The following CDYL2 variants were observed in gnomAD, a reference collection of about 807,000 sequenced individuals.
CDYL2 encodes the protein chromodomain Y like 2.
In CDYL2, 23 loss-of-function variants were observed where a neutral mutation model predicts 49.4. The observed-to-expected ratio is 0.47, with a 90% confidence interval of 0.34 to 0.66. CDYL2 has a LOEUF of 0.66. Ranked by LOEUF, CDYL2 falls within the 30% of genes least tolerant of loss-of-function variation. The pLI is 0.01. For synonymous variants in CDYL2, 360 were observed against 268.8 expected, an observed-to-expected ratio of 1.34 and a Z score of -3.32; for missense variants, 678 against 656.4, an observed-to-expected ratio of 1.03 and a Z score of -0.36.
At chr16:80,764,382 C>T (rs775022415) in intron 1 of CDYL2, among the ~76,000 whole-genome samples, 4 of 152,060 alleles carry the variant, frequency 2.6e-5, no homozygotes, top group Admixed American at 6.6e-5. Flanking sequence ...TCTTATTCTA[C>T]GGAGGAAGAC....
chr16:80,800,156 T>C (rs951796640), intron 1 of CDYL2, among the ~76,000 whole-genome samples: 1 of 152,220 alleles, frequency 6.6e-6, no homozygotes, highest in Non-Finnish European at 1.5e-5. Flanking sequence ...TTCTTTAACA[T>C]GAATAGTGGC....
At chr16:80,678,319 C>T (rs1413887102) in intron 2 of CDYL2, among the ~76,000 whole-genome samples, 20 of 152,202 alleles carry the variant, frequency 1.3e-4, no homozygotes, top group African/African-American at 4.3e-4. Context: ...TCAGAGTGAA[C>T]AGGCAACCCA....
chr16:80,708,984 G>A (rs1296203929), intron 1 of CDYL2, among the ~76,000 whole-genome samples: 1 of 152,180 alleles, frequency 6.6e-6, no homozygotes, highest in East Asian at 1.9e-4. Context: ...TGTTCTTCTG[G>A]CAGCAGAGCT....
intron 1 of CDYL2, among the ~76,000 whole-genome samples, chr16:80,789,819 C>A (rs986692626): frequency 6.6e-6 from 1 of 152,002 alleles, no homozygotes; most frequent in African/African-American, 2.4e-5. Flanking sequence ...AGCAGAAAAT[C>A]AAATACTGTA....
Position 80,603,394 on chromosome 16 carries a change from G to A in CDYL2, c.*994C>T, listed in dbSNP as rs947878375. The stretch of plus-strand genomic sequence containing the variant: ...CTTTAACTCCTTAAAGACAGCAGAG[G>A]GAAGAAAAAACTCTCCCAAGATGTC... On this transcript the variant is annotated 3_prime_UTR_variant, in exon 7 of 7. Transcript: ENST00000570137. 2 of 152,080 alleles carry A rather than the reference G, an allele frequency of 1.3e-5. No homozygotes were observed. Among genetic ancestry groups the A allele is most frequent in the African/African-American group, 4.8e-5 (2 of 41,400 alleles). The allele number at this position is 152,080 out of a possible 1,614,324, so 9.4% of individuals were successfully genotyped here. A position where few individuals can be genotyped will look rare whatever the true frequency, so the allele number is the denominator to read the frequency against.
At position 80,628,607 on chromosome 16, in the gene CDYL2, C is replaced by A. The variant is rs1907408848; in HGVS notation, c.834+4412G>T. Among the ~76,000 whole-genome samples, 3 of 152,198 alleles carry A rather than the reference C, an allele frequency of 2.0e-5. No homozygotes were observed. The South Asian group carries it at 6.2e-4, about 31-fold the overall frequency. ...CTGAGCCATGCCCAGATTCCTGACCCACAGCAATTATGAGACAATAAACGT... is the reference window on the plus strand; with the variant it reads ...CTGAGCCATGCCCAGATTCCTGACCAACAGCAATTATGAGACAATAAACGT... On this transcript the variant is annotated intron_variant, in intron 3 of 6. Coordinates refer to ENST00000570137, the MANE Select transcript of CDYL2 (RefSeq NM_152342.4).
chr16:80,630,432 T>G (rs1169091609), intron 3 of CDYL2, among the ~76,000 whole-genome samples: 1 of 152,206 alleles, frequency 6.6e-6, no homozygotes, highest in African/African-American at 2.4e-5. Flanking sequence ...ATGCTGTGCC[T>G]TTTTAGAGCA....
At chr16:80,703,931 G>T (rs1368520956) in intron 1 of CDYL2, among the ~76,000 whole-genome samples, 4 of 152,106 alleles carry the variant, frequency 2.6e-5, no homozygotes, top group Non-Finnish European at 5.9e-5. Flanking sequence ...GCGCAGGGTG[G>T]GTGCGCCCAT....
chr16:80,715,124 C>T (rs181698723), intron 1 of CDYL2, among the ~76,000 whole-genome samples: 16 of 152,178 alleles, frequency 1.1e-4, no homozygotes, highest in East Asian at 1.9e-4. Context: ...AACTGCAGTA[C>T]GGTACACAAG....
chr16:80,612,516 T>C lies in CDYL2; in HGVS notation c.1218+110A>G. The C allele has an allele frequency of 8.9e-7, 1 of 1,117,976 alleles. No individual in the cohort carries two copies. Among genetic ancestry groups the C allele is most frequent in the South Asian group, 1.5e-5 (1 of 64,608 alleles). 69.3% of individuals were successfully genotyped at this position (1,117,976 alleles called of 1,614,324 possible). A position where few individuals can be genotyped will look rare whatever the true frequency, so the allele number is the denominator to read the frequency against. ...GAAGGACATGAGGCAGCCAAGCCAA[T>C]CTGCAGGCTGACAACACCCTCAGGT... On this transcript the variant is annotated intron_variant, in intron 5 of 6. Coordinates refer to ENST00000570137, the MANE Select transcript of CDYL2 (RefSeq NM_152342.4). The surrounding 1 kb of genome is among the most constrained non-coding windows in gnomAD (Gnocchi z 5.0).
intron 1 of CDYL2, among the ~76,000 whole-genome samples, chr16:80,685,750 T>C (rs2142477853): frequency 6.6e-6 from 1 of 152,310 alleles, no homozygotes; most frequent in East Asian, 1.9e-4. Context: ...GAACGAGGGC[T>C]CAGAGAGACC....
At chr16:80,643,624 C>T (rs1337851771) in intron 2 of CDYL2, among the ~76,000 whole-genome samples, 1 of 152,238 alleles carries the variant, frequency 6.6e-6, no homozygotes, top group Middle Eastern at 3.2e-3. Context: ...GTTCTAAACT[C>T]CAGTTCTTGA....
chr16:80,729,245 G>C (rs560563720), intron 1 of CDYL2, among the ~76,000 whole-genome samples: 7 of 152,074 alleles, frequency 4.6e-5, no homozygotes, highest in Non-Finnish European at 1.0e-4. Context: ...AAAATAAAAG[G>C]ATGGAGGAAG....
chr16:80,804,214 T>C lies in CDYL2; in HGVS notation c.-41A>G. The C allele has an allele frequency of 7.5e-7, 1 of 1,337,646 alleles. No homozygotes were observed. Among genetic ancestry groups the C allele is most frequent in the South Asian group, 1.4e-5 (1 of 71,622 alleles). The allele number at this position is 1,337,646 out of a possible 1,614,324, so 82.9% of individuals were successfully genotyped here. A position where few individuals can be genotyped will look rare whatever the true frequency, so the allele number is the denominator to read the frequency against. The stretch of plus-strand genomic sequence containing the variant: ...TTGGCTCGCCGGTGTGCGCGTCTGC[T>C]CGCTCGCGCCCTCCGTGCGTGTGCG... On this transcript the variant is annotated 5_prime_UTR_variant, in exon 1 of 7. Coordinates refer to ENST00000570137, the MANE Select transcript of CDYL2 (RefSeq NM_152342.4).
At chr16:80,788,595 C>T (rs145489826) in intron 1 of CDYL2, among the ~76,000 whole-genome samples, 1 of 152,154 alleles carries the variant, frequency 6.6e-6, no homozygotes, top group Non-Finnish European at 1.5e-5. Context: ...CATCTACCAA[C>T]AAAAGGACAG....
In CDYL2 at chr16:80,672,614, A is replaced by AGAAAG. The variant is rs1909575645; in HGVS notation, c.616+11919_616+11923dup. On this transcript the variant is annotated intron_variant, in intron 2 of 6. Coordinates refer to ENST00000570137, the MANE Select transcript of CDYL2 (RefSeq NM_152342.4). Reference sequence around the variant, plus strand: ...GGAAAGGAAAGGAAAGGAAAGGAAAAGAAAGGAAAGGAAAGGAAGAAAGAG... The same window carrying AGAAAG: ...GGAAAGGAAAGGAAAGGAAAGGAAAAGAAAGGAAAGGAAAGGAAAGGAAGAAAGAG... 5.4e-5 allele frequency among the ~76,000 whole-genome samples: 5 copies of AGAAAG among 92,074 alleles called. No homozygotes were observed. The South Asian group carries it at 1.2e-3, about 22-fold the overall frequency. 60.4% of individuals were successfully genotyped at this position (92,074 alleles called of 152,430 possible). A position where few individuals can be genotyped will look rare whatever the true frequency, so the allele number is the denominator to read the frequency against.
intron 2 of CDYL2, among the ~76,000 whole-genome samples, chr16:80,660,834 G>A (rs1201032154): frequency 3.3e-5 from 5 of 152,144 alleles, no homozygotes; most frequent in African/African-American, 4.8e-5. Flanking sequence ...TCAAGAAATG[G>A]TGCACAGTGG....
At chr16:80,625,743 A>G (rs983846848) in intron 3 of CDYL2, among the ~76,000 whole-genome samples, 2 of 152,230 alleles carry the variant, frequency 1.3e-5, no homozygotes, top group African/African-American at 4.8e-5. Context: ...GAGGGCAAAT[A>G]TTTAACCGGA....
At chr16:80,667,240 C>G (rs1473545091) in intron 2 of CDYL2, among the ~76,000 whole-genome samples, 1 of 152,146 alleles carries the variant, frequency 6.6e-6, no homozygotes, top group Non-Finnish European at 1.5e-5. Context: ...TTCCATCTAT[C>G]TGGTTCTTAA....
Sources: gnomAD v4.1 joint callset for allele counts (sites outside exome capture counted in the v4.1 genomes callset) on GRCh38, gnomAD v4.1.1 for gene constraint, Gnocchi (gnomAD v3.1) non-coding constraint, MANE v1.5 for transcripts, NCBI Gene and HGNC (gene_info 2026-07-23, HGNC 2026-07-21) for gene names.